Variants in PCDH15 observed in about 807,000 individuals in gnomAD.
PCDH15 encodes protocadherin-15.
A neutral mutation model predicts 178.5 loss-of-function variants in PCDH15; 129 were observed. That is an observed-to-expected ratio of 0.72 (90% CI 0.63 to 0.84). PCDH15 has a LOEUF of 0.84. Ranked by LOEUF, PCDH15 falls within the 40% of genes least tolerant of loss-of-function variation. The pLI, the probability that PCDH15 is intolerant of heterozygous loss-of-function variation, is 0.00. For missense variants in PCDH15, 2,230 were observed against 2,099.9 expected, an observed-to-expected ratio of 1.06 and a Z score of -1.21; for synonymous variants, 800 against 732.0, an observed-to-expected ratio of 1.09 and a Z score of -1.50.
intron 1 of PCDH15, among the ~76,000 whole-genome samples, chr10:54,767,646 G>A (rs949931071): frequency 6.6e-6 from 1 of 152,088 alleles, no homozygotes; most frequent in Non-Finnish European, 1.5e-5. Flanking sequence ...TTGGTAGTAT[G>A]TACCATTGAT....
intron 2 of PCDH15, among the ~76,000 whole-genome samples, chr10:55,055,998 C>A (rs190736248): frequency 2.6e-4 from 40 of 152,068 alleles, no homozygotes; most frequent in East Asian, 7.7e-4. Flanking sequence ...TATTAATCAG[C>A]GCCCTTTTAC....
chr10:54,211,674 T>G (rs2134084943), intron 10 of PCDH15, among the ~76,000 whole-genome samples: 1 of 152,136 alleles, frequency 6.6e-6, no homozygotes, highest in Middle Eastern at 3.4e-3. Context: ...TCTCCGCTTT[T>G]GAAACATAAA....
intron 23 of PCDH15, among the ~76,000 whole-genome samples, chr10:53,946,001 T>A (rs2134129146): frequency 6.6e-6 from 1 of 151,636 alleles, no homozygotes; most frequent in Non-Finnish European, 1.5e-5. Flanking sequence ...TAGCCTGATT[T>A]AAAAATGGAC....
intron 10 of PCDH15, among the ~76,000 whole-genome samples, chr10:54,198,984 A>G (rs2049967718): frequency 6.6e-6 from 1 of 152,330 alleles, no homozygotes; most frequent in African/African-American, 2.4e-5. Flanking sequence ...AGTTTTTACC[A>G]GCAGCTGTGA....
intron 21 of PCDH15, among the ~76,000 whole-genome samples, chr10:53,983,018 T>C (rs1418235631): frequency 6.6e-6 from 1 of 152,028 alleles, no homozygotes; most frequent in Non-Finnish European, 1.5e-5. Context: ...CCAAACTTAT[T>C]ATTATCATTA....
chr10:53,845,497 T>A (rs537350126), intron 28 of PCDH15, among the ~76,000 whole-genome samples: 1 of 151,736 alleles, frequency 6.6e-6, no homozygotes, highest in South Asian at 2.1e-4. Context: ...AACAGATGAG[T>A]GGATAAAGCA....
At chr10:53,809,032 T>A in intron 37 of PCDH15, 2 of 1,602,668 alleles carry the variant, frequency 1.2e-6, no homozygotes, top group South Asian at 2.2e-5. Context: ...ACCCTTGACT[T>A]CCTTGACCTC....
intron 2 of PCDH15, among the ~76,000 whole-genome samples, chr10:55,371,823 T>C (rs982506444): frequency 2.6e-5 from 4 of 152,044 alleles, no homozygotes; most frequent in Admixed American, 2.6e-4. Context: ...AGATATGTAG[T>C]TTTCAATCCA....
Position 53,831,431 on chromosome 10 carries a change from G to T in PCDH15, c.4086C>A (p.Ser1362Arg), listed in dbSNP as rs2132635799. 6.2e-7 allele frequency: 1 copy of T among 1,614,064 alleles called. No individual in the cohort carries two copies. The highest frequency in any genetic ancestry group is 8.5e-7 in the Non-Finnish European group (1 of 1,180,000). Residue 1362 changes from serine (S) to arginine (R), a missense_variant, in exon 30 of 38, where the codon AGC (serine) becomes AGA (arginine). Physicochemically the swap from Ser to Arg is moderately radical, Grantham distance 110. Coordinates refer to ENST00000644397, the MANE Select transcript of PCDH15 (RefSeq NM_001384140.1). ...LEIRTPEAVTSIKKRGESLGY... is the reference protein window; with the variant it reads ...LEIRTPEAVTRIKKRGESLGY... ...CTAGACTTTCTCCTCTCTTTTTAATGCTGGTCACTGCCTCTGGAGTCCGGA... is the reference window on the plus strand; with the variant it reads ...CTAGACTTTCTCCTCTCTTTTTAATTCTGGTCACTGCCTCTGGAGTCCGGA...
intron 2 of PCDH15, among the ~76,000 whole-genome samples, chr10:55,523,244 A>T (rs934493245): frequency 5.9e-5 from 9 of 151,576 alleles, no homozygotes; most frequent in African/African-American, 1.7e-4. Flanking sequence ...CAAGGAGTTT[A>T]TTCACTAGTT....
At chr10:54,447,360 T>G (rs1219859) in intron 3 of PCDH15, among the ~76,000 whole-genome samples, 4,703 of 151,742 alleles carry the variant, frequency 0.031, 179 homozygotes, top group African/African-American at 0.088. Context: ...AACTGGAATT[T>G]TGTGTCTTTT....
chr10:54,658,179 G>A (rs2094439411), intron 2 of PCDH15, among the ~76,000 whole-genome samples: 1 of 152,046 alleles, frequency 6.6e-6, no homozygotes, highest in South Asian at 2.1e-4. Flanking sequence ...AATTCTTGAG[G>A]AAGGAGAGAA....
At chr10:54,267,023 A>G (rs557297277) in intron 8 of PCDH15, among the ~76,000 whole-genome samples, 96 of 152,074 alleles carry the variant, frequency 6.3e-4, no homozygotes, top group African/African-American at 2.3e-3. Context: ...ATAGATGAAA[A>G]AATCCTCAAC....
intron 2 of PCDH15, among the ~76,000 whole-genome samples, chr10:54,954,216 C>T (rs747981152): frequency 1.3e-5 from 2 of 151,240 alleles, no homozygotes; most frequent in Non-Finnish European, 3.0e-5. Flanking sequence ...TCTCTTGTCT[C>T]CTAAATTATT....
chr10:54,110,549 A>C (rs977277686), intron 15 of PCDH15, among the ~76,000 whole-genome samples: 5 of 152,188 alleles, frequency 3.3e-5, no homozygotes, highest in Non-Finnish European at 5.9e-5. Context: ...CAACTGTAGC[A>C]GCAATCAAGT....
chr10:55,207,206 T>C (rs1046581535), intron 1 of PCDH15, among the ~76,000 whole-genome samples: 2 of 152,096 alleles, frequency 1.3e-5, no homozygotes, highest in Admixed American at 6.5e-5. Flanking sequence ...TGCTTAATCA[T>C]TTTTTGATAT....
At chr10:54,553,583 C>T (rs905114167) in intron 2 of PCDH15, among the ~76,000 whole-genome samples, 1 of 152,124 alleles carries the variant, frequency 6.6e-6, no homozygotes, top group Non-Finnish European at 1.5e-5. Flanking sequence ...AGACATGGAT[C>T]CTGATAAGTT....
chr10:53,866,068 T>A (rs2079429185), intron 27 of PCDH15, among the ~76,000 whole-genome samples: 1 of 152,112 alleles, frequency 6.6e-6, no homozygotes. Flanking sequence ...AAGTGAAAAT[T>A]AGAACAGTGA....
chr10:55,598,513 A>AATATATATGT (rs1842982752), intron 2 of PCDH15, among the ~76,000 whole-genome samples: 1 of 83,390 alleles, frequency 1.2e-5, no homozygotes, highest in Non-Finnish European at 2.7e-5. Flanking sequence ...AGCAAACCCT[A>AATATATATGT]ATATATATAT....
Sources: allele counts gnomAD v4.1 joint callset (sites outside exome capture counted in the v4.1 genomes callset), GRCh38; gene constraint gnomAD v4.1.1; transcripts MANE v1.5; gene names NCBI Gene and HGNC (gene_info 2026-07-23, HGNC 2026-07-21).